USP34: variants seen among roughly 807,000 people sequenced by gnomAD.
The protein encoded by USP34 is ubiquitin specific peptidase 34, also known as ubiquitin carboxyl-terminal hydrolase 34.
In USP34, 70 loss-of-function variants were observed where a neutral mutation model predicts 460.3. The ratio of observed to expected loss-of-function variants is 0.15; its 90% CI spans 0.13 to 0.19. The LOEUF is 0.19. Among genes scored for constraint, USP34 ranks in the 10% least tolerant of loss-of-function variants. The pLI, the probability that USP34 is intolerant of heterozygous loss-of-function variation, is 1.00. For synonymous variants in USP34, 1,647 were observed against 1,405.3 expected (o/e 1.17, Z -3.85); for missense variants, 3,985 against 4,236.2 (o/e 0.94, Z 1.65).
intron 1 of USP34, among the ~76,000 whole-genome samples, chr2:61,457,951 G>C (rs918814415): frequency 6.6e-6 from 1 of 152,082 alleles, no homozygotes; most frequent in Non-Finnish European, 1.5e-5. Flanking sequence ...ATATATCCGA[G>C]AAAACAGGAA....
chr2:61,439,999 A>G (rs978574692), intron 1 of USP34, among the ~76,000 whole-genome samples: 1 of 152,168 alleles, frequency 6.6e-6, no homozygotes, highest in African/African-American at 2.4e-5. Context: ...CAGGAGGGGC[A>G]GTGTGAGCTC....
intron 44 of USP34, among the ~76,000 whole-genome samples, chr2:61,258,084 T>C (rs2103898275): frequency 6.6e-6 from 1 of 152,310 alleles, no homozygotes; most frequent in East Asian, 1.9e-4. Flanking sequence ...CCAGGTATGA[T>C]AGCTCATGCC....
intron 58 of USP34, among the ~76,000 whole-genome samples, chr2:61,230,800 C>T (rs188062573): frequency 6.7e-4 from 100 of 148,712 alleles, no homozygotes; most frequent in African/African-American, 2.1e-3. Context: ...GCCAAGACCA[C>T]GGCACTGCAC....
At chr2:61,264,276 A>T (rs1345958489) in intron 43 of USP34, among the ~76,000 whole-genome samples, 3 of 151,808 alleles carry the variant, frequency 2.0e-5, no homozygotes, top group Non-Finnish European at 4.4e-5. Context: ...AACATAATAA[A>T]TAATTCAGTG....
At chr2:61,207,722 G>C (rs981785610) in intron 70 of USP34, 2 of 151,878 alleles carry the variant, frequency 1.3e-5, no homozygotes, top group Non-Finnish European at 2.9e-5. Flanking sequence ...ATAAACATCT[G>C]TTGCATTTTA....
chr2:61,414,197 G>A (rs1694129679), intron 2 of USP34, among the ~76,000 whole-genome samples: 1 of 151,572 alleles, frequency 6.6e-6, no homozygotes. Flanking sequence ...AGAGGATGCC[G>A]AGATCATGCC....
chr2:61,430,441 T>C (rs1249184461), intron 1 of USP34, among the ~76,000 whole-genome samples: 1 of 151,956 alleles, frequency 6.6e-6, no homozygotes, highest in Non-Finnish European at 1.5e-5. Context: ...AAATAAAGCT[T>C]AGGTGACAAA....
intron 41 of USP34, among the ~76,000 whole-genome samples, chr2:61,270,468 G>A (rs1689178580): frequency 6.6e-6 from 1 of 152,104 alleles, no homozygotes; most frequent in South Asian, 2.1e-4. Context: ...AGAGTGTCTT[G>A]CTTTGTTGCC....
intron 8 of USP34, among the ~76,000 whole-genome samples, chr2:61,373,609 A>G (rs1692697872): frequency 6.6e-6 from 1 of 152,240 alleles, no homozygotes; most frequent in African/African-American, 2.4e-5. Context: ...GGACCTAACA[A>G]AAGAATTCCT....
chr2:61,230,326 G>T (rs1687855932), intron 58 of USP34, among the ~76,000 whole-genome samples: 1 of 152,082 alleles, frequency 6.6e-6, no homozygotes, highest in Non-Finnish European at 1.5e-5. Context: ...AGGAGTTCGA[G>T]ACCAGCCTAG....
intron 29 of USP34, among the ~76,000 whole-genome samples, chr2:61,299,691 CA>C (rs35052829): frequency 0.36 from 54,935 of 151,986 alleles, 9,933 homozygotes; most frequent in Non-Finnish European, 0.38. Context: ...ATCAAGGCTA[CA>C]ACTGAGCTAC....
chr2:61,457,025 C>T (rs1302821990), intron 1 of USP34, among the ~76,000 whole-genome samples: 1 of 151,880 alleles, frequency 6.6e-6, no homozygotes, highest in African/African-American at 2.4e-5. Flanking sequence ...CCTGTAACCC[C>T]AGCACTTTAA....
In USP34 at chr2:61,450,356, T is replaced by C. The variant is rs565055474; in HGVS notation, c.43+20294A>G. On this transcript the variant is annotated intron_variant, in intron 1 of 79. Coordinates refer to ENST00000398571, the MANE Select transcript of USP34 (RefSeq NM_014709.4). The stretch of plus-strand genomic sequence containing the variant: ...GAGGTGATAAAGTGTTCTAGACTTG[T>C]TTGTGGTGATGGTTGCACAACTCTG... Among the ~76,000 whole-genome samples, 4 of 152,248 alleles carry C rather than the reference T, an allele frequency of 2.6e-5. No individual in the cohort carries two copies. The East Asian group carries it at 5.8e-4, about 22-fold the overall frequency.
intron 52 of USP34, 53 bp from the exon 53 acceptor site, chr2:61,241,708 A>G (rs1250318426): frequency 6.6e-7 from 1 of 1,520,608 alleles, no homozygotes; most frequent in African/African-American, 1.4e-5. Context: ...TATTACTCTA[A>G]AAGTAGACAA....
chr2:61,366,062 A>C (rs931447408), intron 10 of USP34, among the ~76,000 whole-genome samples: 66 of 152,078 alleles, frequency 4.3e-4, no homozygotes, highest in African/African-American at 1.5e-3. Context: ...AGTAGCTGGG[A>C]TTACAGGCAT....
chr2:61,353,476 G>A (rs1438006877), intron 10 of USP34, among the ~76,000 whole-genome samples: 2 of 149,972 alleles, frequency 1.3e-5, no homozygotes, highest in East Asian at 2.0e-4. Context: ...ACTGCCACGT[G>A]TGCCTCCCAG....
intron 20 of USP34, 65 bp downstream of exon 20, chr2:61,331,211 G>T: frequency 1.5e-6 from 2 of 1,379,310 alleles, no homozygotes. Flanking sequence ...TAAAACACTG[G>T]AAAATCATCT....
At chr2:61,315,352 T>G (rs546699370) in intron 23 of USP34, among the ~76,000 whole-genome samples, 1 of 151,354 alleles carries the variant, frequency 6.6e-6, no homozygotes, top group Non-Finnish European at 1.5e-5. Context: ...TAACAACATA[T>G]GCTAACTCAA....
At chr2:61,353,868 G>C (rs1692028110) in intron 10 of USP34, among the ~76,000 whole-genome samples, 1 of 152,026 alleles carries the variant, frequency 6.6e-6, no homozygotes, top group African/African-American at 2.4e-5. Flanking sequence ...GGAAATGAAA[G>C]GTACAACAAC....
Sources: allele counts gnomAD v4.1 joint callset (sites outside exome capture counted in the v4.1 genomes callset), GRCh38; gene constraint gnomAD v4.1.1; transcripts MANE v1.5; gene names NCBI Gene and HGNC (gene_info 2026-07-23, HGNC 2026-07-21).